The following DLG2 variants were observed in gnomAD, a reference collection of about 807,000 sequenced individuals.
The protein encoded by DLG2 is discs large MAGUK scaffold protein 2.
DLG2 carries 45 observed loss-of-function variants against 132.5 expected under a neutral mutation model. The ratio of observed to expected loss-of-function variants is 0.34; its 90% CI spans 0.27 to 0.44. The LOEUF is 0.44. DLG2 is among the 20% of genes least tolerant of loss of function. DLG2 has a pLI of 1.00. For missense variants in DLG2, 1,045 were observed against 1,196.9 expected (o/e 0.87, Z 1.87); for synonymous variants, 424 against 419.6 (o/e 1.01, Z -0.13).
intron 21 of DLG2, among the ~76,000 whole-genome samples, chr11:83,496,038 AG>A (rs1283719478): frequency 2.0e-4 from 31 of 152,150 alleles, no homozygotes; most frequent in Admixed American, 2.0e-3. Context: ...AAAAATGAAA[AG>A]ACAAGTCACA....
intron 7 of DLG2, among the ~76,000 whole-genome samples, chr11:84,389,779 T>C (rs900764332): frequency 1.1e-4 from 16 of 152,174 alleles, no homozygotes; most frequent in African/African-American, 3.9e-4. Flanking sequence ...TATTTCATAA[T>C]TCCTACAGTA....
chr11:84,002,490 G>A (rs972440567), intron 11 of DLG2, among the ~76,000 whole-genome samples: 1 of 152,134 alleles, frequency 6.6e-6, no homozygotes, highest in East Asian at 1.9e-4. Context: ...CTGAAATCGA[G>A]GTGGAGGTTC....
chr11:85,379,953 CA>C (rs2085739799), intron 3 of DLG2, among the ~76,000 whole-genome samples: 1 of 152,130 alleles, frequency 6.6e-6, no homozygotes, highest in African/African-American at 2.4e-5. Flanking sequence ...TTATCACTTA[CA>C]AATATTTGAG....
At chr11:84,859,512 T>C (rs983562362) in intron 6 of DLG2, among the ~76,000 whole-genome samples, 4 of 148,944 alleles carry the variant, frequency 2.7e-5, no homozygotes, top group African/African-American at 7.4e-5. Flanking sequence ...TCTAAACTTA[T>C]ATTGAAAAAG....
chr11:84,861,176 G>A (rs1273423910), intron 6 of DLG2, among the ~76,000 whole-genome samples: 1 of 152,120 alleles, frequency 6.6e-6, no homozygotes, highest in Non-Finnish European at 1.5e-5. Flanking sequence ...ACAATTTCCA[G>A]TGGTGGGAAT....
intron 6 of DLG2, among the ~76,000 whole-genome samples, chr11:84,805,095 T>C (rs955050500): frequency 1.3e-5 from 2 of 152,152 alleles, no homozygotes; most frequent in Admixed American, 6.5e-5. Context: ...CCCCTCATTG[T>C]GTCAGTAGAG....
chr11:84,515,322 A>AT (rs1565161909), intron 7 of DLG2, among the ~76,000 whole-genome samples: 1 of 150,716 alleles, frequency 6.6e-6, no homozygotes, highest in Admixed American at 6.6e-5. Flanking sequence ...CACACCCCAA[A>AT]TATATGCAGC....
intron 16 of DLG2, among the ~76,000 whole-genome samples, chr11:83,867,823 C>T (rs1227556644): frequency 1.3e-5 from 2 of 152,170 alleles, no homozygotes; most frequent in African/African-American, 4.8e-5. Context: ...TCCATAGTCT[C>T]AGCATTTTTT....
intron 3 of DLG2, among the ~76,000 whole-genome samples, chr11:85,308,541 C>T (rs1380784457): frequency 6.6e-6 from 1 of 152,148 alleles, no homozygotes; most frequent in East Asian, 1.9e-4. Flanking sequence ...TATCCAGCAA[C>T]CCCTCTCTTG....
chr11:85,278,988 A>G (rs2078066475), intron 4 of DLG2, among the ~76,000 whole-genome samples: 1 of 152,218 alleles, frequency 6.6e-6, no homozygotes. Context: ...TTTTAACTAT[A>G]AAATGGCCTA....
intron 21 of DLG2, among the ~76,000 whole-genome samples, chr11:83,502,029 T>C (rs754194593): frequency 6.6e-6 from 1 of 152,208 alleles, no homozygotes; most frequent in African/African-American, 2.4e-5. Context: ...TGGAACCAAA[T>C]AGATAAAAAG....
intron 6 of DLG2, among the ~76,000 whole-genome samples, chr11:84,896,933 T>G (rs2090269799): frequency 6.6e-6 from 1 of 151,740 alleles, no homozygotes; most frequent in Admixed American, 6.6e-5. Context: ...CATTGGGGGT[T>G]TTGAGCATAT....
At chr11:84,771,928 T>C (rs75988191) in intron 6 of DLG2, among the ~76,000 whole-genome samples, 11,574 of 152,082 alleles carry the variant, frequency 0.076, 538 homozygotes, top group Middle Eastern at 0.12. Context: ...ACAAATAACA[T>C]TGAAGCTAAG....
chr11:84,182,915 C>A (rs2096178302), intron 8 of DLG2, among the ~76,000 whole-genome samples: 1 of 152,134 alleles, frequency 6.6e-6, no homozygotes, highest in Non-Finnish European at 1.5e-5. Context: ...AACATCACCA[C>A]AGATTCCATG....
chr11:84,716,680 G>T (rs895555262), intron 6 of DLG2, among the ~76,000 whole-genome samples: 2 of 150,666 alleles, frequency 1.3e-5, no homozygotes, highest in African/African-American at 4.9e-5. Context: ...TAGCCTTGTA[G>T]GTGTGATGAT....
intron 21 of DLG2, among the ~76,000 whole-genome samples, chr11:83,486,914 A>C (rs1248345939): frequency 6.6e-6 from 1 of 152,152 alleles, no homozygotes; most frequent in East Asian, 1.9e-4. Context: ...ATAATGCTTT[A>C]ACAGTATTCT....
chr11:85,427,031 T>C (rs191917866), intron 3 of DLG2, among the ~76,000 whole-genome samples: 12 of 152,218 alleles, frequency 7.9e-5, no homozygotes, highest in African/African-American at 2.4e-4. Flanking sequence ...GTATCAGTGA[T>C]GGAAGATGAA....
At chr11:84,502,642 C>A (rs1053216552) in intron 7 of DLG2, among the ~76,000 whole-genome samples, 2 of 151,814 alleles carry the variant, frequency 1.3e-5, no homozygotes, top group Non-Finnish European at 2.9e-5. Flanking sequence ...ACATGATCCA[C>A]CTGCCTCAGC....
At chr11:85,070,106 G>C (rs904504989) in intron 6 of DLG2, among the ~76,000 whole-genome samples, 1 of 151,862 alleles carries the variant, frequency 6.6e-6, no homozygotes, top group Non-Finnish European at 1.5e-5. Context: ...TGAACAATGA[G>C]AACACATGGA....
Sources: gnomAD v4.1 joint callset for allele counts (sites outside exome capture counted in the v4.1 genomes callset) on GRCh38, gnomAD v4.1.1 for gene constraint, MANE v1.5 for transcripts, NCBI Gene and HGNC (gene_info 2026-07-23, HGNC 2026-07-21) for gene names.